Variants in CXCL13 observed in about 807,000 individuals in gnomAD.
The protein encoded by CXCL13 is C-X-C motif chemokine ligand 13.
In CXCL13, 7 loss-of-function variants were observed where a neutral mutation model predicts 12.2. The ratio of observed to expected loss-of-function variants is 0.57; its 90% CI spans 0.33 to 1.07. The LOEUF (loss-of-function observed/expected upper bound fraction) is 1.07. CXCL13 is among the 50% of genes least tolerant of loss of function. CXCL13 has a pLI of 0.04. For missense variants in CXCL13, 113 were observed against 127.4 expected (o/e 0.89, Z 0.55); for synonymous variants, 47 against 42.4 (o/e 1.11, Z -0.42).
At chr4:77,604,109 C>A (rs930374233), upstream of CXCL13, among the ~76,000 whole-genome samples, 23 of 152,148 alleles carry the variant, frequency 1.5e-4, 1 homozygote, top group Non-Finnish European at 5.9e-5. Flanking sequence ...AGCTGACAGC[C>A]TCTACTGATA....
intron 1 of CXCL13, among the ~76,000 whole-genome samples, chr4:77,552,173 T>C (rs1725547837): frequency 6.6e-6 from 1 of 152,202 alleles, no homozygotes; most frequent in African/African-American, 2.4e-5. Context: ...GTGCCAGAAT[T>C]CTTGTGTCAG....
intron 1 of CXCL13, among the ~76,000 whole-genome samples, chr4:77,574,649 A>G (rs949382552): frequency 3.9e-5 from 6 of 151,962 alleles, no homozygotes; most frequent in Admixed American, 1.3e-4. Flanking sequence ...TGGGCTGATT[A>G]TAGAATGAGC....
chr4:77,599,363 T>G (rs1418825026), intron 1 of CXCL13, among the ~76,000 whole-genome samples: 1 of 152,128 alleles, frequency 6.6e-6, no homozygotes, highest in Non-Finnish European at 1.5e-5. Context: ...TTATAATACC[T>G]AATACAATGT....
At chr4:77,552,681 G>A (rs1249907344) in intron 1 of CXCL13, among the ~76,000 whole-genome samples, 1 of 152,048 alleles carries the variant, frequency 6.6e-6, no homozygotes, top group East Asian at 1.9e-4. Flanking sequence ...CCAGTGGCCA[G>A]CCACCAAGCC....
At chr4:77,563,892 A>G (rs1725869316) in intron 1 of CXCL13, among the ~76,000 whole-genome samples, 1 of 152,152 alleles carries the variant, frequency 6.6e-6, no homozygotes, top group South Asian at 2.1e-4. Context: ...AGTGAGGGAA[A>G]ACTCGTTGTG....
intron 1 of CXCL13, among the ~76,000 whole-genome samples, chr4:77,561,502 T>C (rs1363282197): frequency 2.0e-5 from 3 of 152,232 alleles, no homozygotes; most frequent in African/African-American, 2.4e-5. Context: ...AAAAACCTGA[T>C]ACTTAGAGGC....
In CXCL13 at chr4:77,586,184, C is replaced by A. The variant is rs552828969; in HGVS notation, c.-42-19640C>A. 1.7e-4 allele frequency among the ~76,000 whole-genome samples: 26 copies of A among 151,892 alleles called. No homozygotes were observed. The South Asian group carries it at 5.4e-3, about 32-fold the overall frequency. On this transcript the variant is annotated intron_variant, in intron 1 of 4. Coordinates refer to the CXCL13 transcript ENST00000286758. The stretch of plus-strand genomic sequence containing the variant: ...ATCTCAGTGACCATATGCATAACCT[C>A]GTTTGAAGTTAAGGTGAAAGTCTAA...
chr4:77,532,303 T>C (rs532641064), intron 1 of CXCL13, among the ~76,000 whole-genome samples: 171 of 152,338 alleles, frequency 1.1e-3, no homozygotes, highest in Non-Finnish European at 2.0e-3. Context: ...CCTTCACTTA[T>C]GAAGCTTAGT....
chr4:77,527,675 G>C (rs1724801574), intron 1 of CXCL13, among the ~76,000 whole-genome samples: 1 of 152,038 alleles, frequency 6.6e-6, no homozygotes, highest in South Asian at 2.1e-4. Flanking sequence ...ATAGACACTT[G>C]AATGAATGAC....
chr4:77,555,015 GAAGCTA>G (rs1430149312), intron 1 of CXCL13, among the ~76,000 whole-genome samples: 1 of 151,646 alleles, frequency 6.6e-6, no homozygotes, highest in Non-Finnish European at 1.5e-5. Context: ...TTTACATTAA[GAAGCTA>G]AAAAAACAGA....
At chr4:77,580,612 A>C (rs998014638) in intron 1 of CXCL13, among the ~76,000 whole-genome samples, 5 of 151,868 alleles carry the variant, frequency 3.3e-5, no homozygotes, top group African/African-American at 1.2e-4. Context: ...GGTGTGAGCC[A>C]CCATGCCCAG....
intron 1 of CXCL13, among the ~76,000 whole-genome samples, chr4:77,561,423 C>G (rs1418189145): frequency 6.6e-6 from 1 of 152,214 alleles, no homozygotes; most frequent in South Asian, 2.1e-4. Flanking sequence ...GGGCCAGCCA[C>G]ATGTTTGATG....
intron 1 of CXCL13, among the ~76,000 whole-genome samples, chr4:77,541,485 T>C (rs944210000): frequency 1.3e-5 from 2 of 152,224 alleles, no homozygotes; most frequent in Admixed American, 6.6e-5. Flanking sequence ...TCCACATTGC[T>C]TATTTTTGTC....
intron 1 of CXCL13, among the ~76,000 whole-genome samples, chr4:77,548,835 G>A (rs780013906): frequency 6.6e-6 from 1 of 152,116 alleles, no homozygotes; most frequent in Non-Finnish European, 1.5e-5. Flanking sequence ...TTCTCAAGGA[G>A]TATCTTTGTG....
At chr4:77,531,098 T>TTTATTATTATTA (rs59478034) in intron 1 of CXCL13, among the ~76,000 whole-genome samples, 53 of 144,342 alleles carry the variant, frequency 3.7e-4, no homozygotes, top group Non-Finnish European at 4.2e-4. Flanking sequence ...AGTGAGTTTC[T>TTTATTATTATTA]TTATTATTAT....
intron 1 of CXCL13, among the ~76,000 whole-genome samples, chr4:77,594,866 C>T (rs114249523): frequency 0.038 from 5,811 of 152,092 alleles, 360 homozygotes; most frequent in African/African-American, 0.13. Flanking sequence ...ACCTGTTTAC[C>T]TATGTAACAA....
chr4:77,529,658 G>C (rs1724855092), intron 1 of CXCL13, among the ~76,000 whole-genome samples: 1 of 152,170 alleles, frequency 6.6e-6, no homozygotes, highest in Non-Finnish European at 1.5e-5. Context: ...TTGCCTATCG[G>C]CTTAAGGAGA....
intron 1 of CXCL13, among the ~76,000 whole-genome samples, chr4:77,595,301 C>T (rs917739081): frequency 5.9e-5 from 9 of 152,096 alleles, no homozygotes; most frequent in East Asian, 3.9e-4. Context: ...GTAAAAGTAT[C>T]CCTAGTTTGT....
intron 1 of CXCL13, among the ~76,000 whole-genome samples, chr4:77,534,388 C>T (rs1326702270): frequency 6.6e-6 from 1 of 152,170 alleles, no homozygotes; most frequent in African/African-American, 2.4e-5. Context: ...GCACATCATA[C>T]ATGAAATACT....
Sources: allele counts gnomAD v4.1 joint callset (sites outside exome capture counted in the v4.1 genomes callset), GRCh38; gene constraint gnomAD v4.1.1; transcripts MANE v1.5; gene names NCBI Gene and HGNC (gene_info 2026-07-23, HGNC 2026-07-21).